ARHGEF4: variants seen among roughly 807,000 people sequenced by gnomAD.
ARHGEF4 encodes Rho guanine nucleotide exchange factor 4.
ARHGEF4 carries 119 observed loss-of-function variants against 162.0 expected under a neutral mutation model. The ratio of observed to expected loss-of-function variants is 0.73; its 90% confidence interval spans 0.63 to 0.86. The LOEUF is 0.86. Among genes scored for constraint, ARHGEF4 ranks in the 40% least tolerant of loss-of-function variants. The pLI is 0.00. For synonymous variants in ARHGEF4, 1,014 were observed against 979.9 expected (o/e 1.03, Z -0.65); for missense variants, 2,488 against 2,456.0 (o/e 1.01, Z -0.28).
At chr2:130,837,109 G>GTCCCCACCCACC in intron 1 of ARHGEF4, 117 bp downstream of exon 1, 3 of 987,790 alleles carry the variant, frequency 3.0e-6, no homozygotes, top group Non-Finnish European at 3.9e-6. Flanking sequence ...CCCGGTGGGT[G>GTCCCCACCCACC]GGGACACCCT....
At chr2:130,942,342 G>A (rs1443090066) in intron 3 of ARHGEF4, among the ~76,000 whole-genome samples, 2 of 151,602 alleles carry the variant, frequency 1.3e-5, no homozygotes, top group Non-Finnish European at 2.9e-5. Context: ...GTAGAGACAG[G>A]GTTTCACCGT....
In ARHGEF4 at chr2:130,914,484, C is replaced by T; in HGVS notation, c.538C>T (p.His180Tyr). Reference sequence around the variant, plus strand: ...GTCTTTGCTGGCAGGGGTTCCCCGACACACAGGGTGCTGCTTACAGAGGGC... The same window carrying T: ...GTCTTTGCTGGCAGGGGTTCCCCGATACACAGGGTGCTGCTTACAGAGGGC... ...RESLLAGVPR[H>Y]TGCCLQRATD... The change falls in exon 2 of 14, where the codon CAC becomes TAC. Residue 180 changes from histidine to tyrosine, a missense_variant. Transcript: ENST00000409359. 1 of 1,433,908 alleles carries T rather than the reference C, an allele frequency of 7.0e-7. No individual in the cohort carries two copies. Among genetic ancestry groups the T allele is most frequent in the East Asian group, 2.5e-5 (1 of 40,044 alleles). The allele number at this position is 1,433,908 out of a possible 1,614,324, so 88.8% of individuals were successfully genotyped here. A position where few individuals can be genotyped will look rare whatever the true frequency, so the allele number is the denominator to read the frequency against.
chr2:130,990,933 A>G (rs1686909189), intron 4 of ARHGEF4, among the ~76,000 whole-genome samples: 1 of 152,256 alleles, frequency 6.6e-6, no homozygotes, highest in South Asian at 2.1e-4. Context: ...ACATCAACTC[A>G]CACAGTCTGC....
At chr2:130,930,455 C>T (rs543490218) in intron 2 of ARHGEF4, among the ~76,000 whole-genome samples, 2 of 152,226 alleles carry the variant, frequency 1.3e-5, no homozygotes, top group East Asian at 3.9e-4. Flanking sequence ...GTGCCTGGTG[C>T]GTAACGGCAA....
intron 4 of ARHGEF4, among the ~76,000 whole-genome samples, chr2:131,023,464 T>C (rs1689277078): frequency 6.6e-6 from 1 of 152,104 alleles, no homozygotes; most frequent in East Asian, 1.9e-4. Flanking sequence ...TAAAGAGATA[T>C]ATCACCAAAG....
chr2:131,028,056 G>T lies in ARHGEF4; in HGVS notation c.4097G>T (p.Gly1366Val), dbSNP rs200180609. Residue 1366 changes from glycine (G) to valine (V), a missense_variant, in exon 5 of 14, where the codon GGG becomes GTG. Coordinates refer to ENST00000409359, the MANE Select transcript of ARHGEF4 (RefSeq NM_001367493.1). ...AGCCACCACTACAGCCACCCTGGAG[G>T]GGGTGGGGAGCAGCTGGCTATCAAT... ...SSSHHYSHPG[G>V]GGEQLAINEL... 5.0e-6 allele frequency: 8 copies of T among 1,614,066 alleles called. No individual in the cohort carries two copies. The highest frequency in any genetic ancestry group is 5.9e-6 in the Non-Finnish European group (7 of 1,180,024).
At chr2:131,012,296 A>T (rs1215680781) in intron 4 of ARHGEF4, among the ~76,000 whole-genome samples, 1 of 152,162 alleles carries the variant, frequency 6.6e-6, no homozygotes, top group African/African-American at 2.4e-5. Flanking sequence ...CATATCAGGC[A>T]TCTCAGCAGA....
In ARHGEF4 at chr2:130,914,241, A is replaced by G. The variant is rs992724465; in HGVS notation, c.295A>G (p.Ile99Val). The G allele has an allele frequency of 6.5e-7, 1 of 1,535,372 alleles. No individual in the cohort carries two copies. Among genetic ancestry groups the G allele is most frequent in the South Asian group, 1.2e-5 (1 of 84,030 alleles). Residue 99 changes from isoleucine to valine, a missense_variant, in exon 2 of 14, where the codon ATA becomes GTA. This residue lies in a region of ARHGEF4 where 171 missense variants were observed against 169.4 expected (regional missense o/e 1.01). Coordinates refer to ENST00000409359, the MANE Select transcript of ARHGEF4 (RefSeq NM_001367493.1). ...FHPLRGTPVDIEAPWEYPDVS... is the reference protein window; with the variant it reads ...FHPLRGTPVDVEAPWEYPDVS... ...CCCTCTAAGAGGTACTCCCGTAGAT[A>G]TAGAAGCACCTTGGGAATACCCTGA...
rs918156493 is a variant in ARHGEF4 at position 130,925,082 on chromosome 2, G to A, written c.3553-5870G>A. On this transcript the variant is annotated intron_variant, in intron 2 of 13. Transcript: ENST00000409359. Reference sequence around the variant, plus strand: ...TGTGTGTGTGTGTGTGTGTGTGTGCGTCTGAGAGAGAGAGAGAGAGAGAAT... The same window carrying A: ...TGTGTGTGTGTGTGTGTGTGTGTGCATCTGAGAGAGAGAGAGAGAGAGAAT... Among the ~76,000 whole-genome samples the A allele has an allele frequency of 4.4e-4, 61 of 138,042 alleles. 1 individual carries two copies. Among genetic ancestry groups the A allele is most frequent in the African/African-American group, 1.4e-3 (52 of 37,888 alleles). 90.6% of individuals were successfully genotyped at this position (138,042 alleles called of 152,430 possible).
Position 130,917,421 on chromosome 2 carries a change from G to T in ARHGEF4, c.3475G>T (p.Glu1159Ter), listed in dbSNP as rs1383324437. 1.9e-6 allele frequency: 3 copies of T among 1,550,672 alleles called. No homozygotes were observed. In the South Asian group the frequency reaches 3.6e-5, roughly 18 times the overall value. The change falls in exon 2 of 14, where the codon GAA becomes TAA. Residue 1159 changes from glutamate to a stop codon, truncating the protein, a stop_gained. Coordinates refer to ENST00000409359, the MANE Select transcript of ARHGEF4 (RefSeq NM_001367493.1). LOFTEE classifies it high-confidence loss of function. ...LQTLNQDEQKEESREGGQGPR... is the reference protein window; with the variant it reads ...LQTLNQDEQK ...GACGCTAAACCAAGATGAGCAGAAG[G>T]AAGAGAGCAGGGAAGGAGGCCAGGG...
intron 13 of ARHGEF4, chr2:131,045,720 A>G: frequency 6.9e-7 from 1 of 1,441,038 alleles, no homozygotes; most frequent in Non-Finnish European, 9.1e-7. Context: ...CCTTCCTGAC[A>G]GGCATCTGGG....
chr2:130,849,277 A>G (rs190627), intron 1 of ARHGEF4, among the ~76,000 whole-genome samples: 9,185 of 152,264 alleles, frequency 0.06, 935 homozygotes, highest in African/African-American at 0.21. Flanking sequence ...TTGGGTGCAT[A>G]TTGTCATGCC....
At chr2:130,930,587 A>T (rs1335768368) in intron 2 of ARHGEF4, among the ~76,000 whole-genome samples, 7 of 152,112 alleles carry the variant, frequency 4.6e-5, no homozygotes, top group African/African-American at 1.7e-4. Flanking sequence ...TTTTGTTCAT[A>T]AGGGAATGTT....
intron 1 of ARHGEF4, among the ~76,000 whole-genome samples, chr2:130,910,022 C>T (rs758315508): frequency 1.3e-5 from 2 of 151,948 alleles, no homozygotes; most frequent in Admixed American, 6.6e-5. Context: ...ATGAGCCACA[C>T]GCTGGTTAAA....
At chr2:130,958,951 T>A (rs532513451) in intron 4 of ARHGEF4, among the ~76,000 whole-genome samples, 1 of 151,748 alleles carries the variant, frequency 6.6e-6, no homozygotes, top group Admixed American at 6.6e-5. Flanking sequence ...TCTTTCTTTT[T>A]TTTTTTTTGA....
chr2:130,849,674 T>C (rs916393672), intron 1 of ARHGEF4, among the ~76,000 whole-genome samples: 20 of 151,810 alleles, frequency 1.3e-4, no homozygotes. Flanking sequence ...GTTCAAGTAT[T>C]CTCCTGCCTC....
Position 130,915,145 on chromosome 2 carries a change from T to A in ARHGEF4, c.1199T>A (p.Leu400Gln), listed in dbSNP as rs1244304003. The A allele has an allele frequency of 6.4e-7, 1 of 1,550,648 alleles. No individual in the cohort carries two copies. Among genetic ancestry groups the A allele is most frequent in the South Asian group, 1.2e-5 (1 of 84,060 alleles). ...GCTTTTCAGAGTGGGGCTCCCCATCTGCAGGGTCCCTGCAAGCCTGGTGGG... is the reference window on the plus strand; with the variant it reads ...GCTTTTCAGAGTGGGGCTCCCCATCAGCAGGGTCCCTGCAAGCCTGGTGGG... ...IPAFQSGAPH[L>Q]QGPCKPGGFR... Residue 400 changes from leucine to glutamine, a missense_variant, in exon 2 of 14, where the codon CTG (leucine) becomes CAG (glutamine). Around this residue, in one of 6 missense-constraint regions of ARHGEF4, gnomAD observed 1,642 missense variants for 1,481.5 expected, o/e 1.11. Coordinates refer to ENST00000409359, the MANE Select transcript of ARHGEF4 (RefSeq NM_001367493.1).
Position 131,000,807 on chromosome 2 carries a change from C to CA in ARHGEF4, c.3986-27130dup, listed in dbSNP as rs201684055. Among the ~76,000 whole-genome samples, 715 of 150,302 alleles carry CA rather than the reference C, an allele frequency of 4.8e-3. 12 individuals are homozygous for CA. The highest frequency in any genetic ancestry group is 0.017 in the African/African-American group (684 of 40,932). On this transcript the variant is annotated intron_variant, in intron 4 of 13. Transcript: ENST00000409359. Reference sequence around the variant, plus strand: ...TAAAATAAGTAGAGAAAGGCAAAGCCAAAAAAAAGCCTATTATAAAGGAAA... The same window carrying CA: ...TAAAATAAGTAGAGAAAGGCAAAGCCAAAAAAAAAGCCTATTATAAAGGAAA...
At chr2:130,945,658 C>G (rs1558753441) in intron 3 of ARHGEF4, among the ~76,000 whole-genome samples, 1 of 152,160 alleles carries the variant, frequency 6.6e-6, no homozygotes, top group Admixed American at 6.5e-5. Context: ...ACAAGAAACT[C>G]ACCACAGGAT....
Sources: gnomAD v4.1 joint callset for allele counts (sites outside exome capture counted in the v4.1 genomes callset) on GRCh38, gnomAD v4.1.1 for gene constraint, gnomAD v4.1.1 regional missense constraint, MANE v1.5 for transcripts, NCBI Gene and HGNC (gene_info 2026-07-23, HGNC 2026-07-21) for gene names.